Variants in CEMIP observed in about 807,000 individuals in gnomAD.
The protein encoded by CEMIP is cell migration-inducing and hyaluronan-binding protein.
Under a neutral mutation model 156.9 loss-of-function variants are expected in CEMIP, and 105 were observed. The observed-to-expected ratio is 0.67, with a 90% CI of 0.57 to 0.79. The LOEUF (loss-of-function observed/expected upper bound fraction) is 0.79. CEMIP is among the 30% of genes least tolerant of loss of function. CEMIP has a pLI of 0.00. For missense variants in CEMIP, 1,457 were observed against 1,769.4 expected, an observed-to-expected ratio of 0.82 and a Z score of 3.17; for synonymous variants, 676 against 668.4, an observed-to-expected ratio of 1.01 and a Z score of -0.17.
chr15:80,949,563 T>C lies in CEMIP; in HGVS notation c.*639T>C, dbSNP rs1475770634. ...CTCAAAGGCCCTTTTAGTTCTGAGATTCCAGAAATCTGCTGCATTTCACAT... is the reference window on the plus strand; with the variant it reads ...CTCAAAGGCCCTTTTAGTTCTGAGACTCCAGAAATCTGCTGCATTTCACAT... On this transcript the variant is annotated 3_prime_UTR_variant, in exon 30 of 30. Transcript: ENST00000394685. 1 of 164,432 alleles carries C rather than the reference T, an allele frequency of 6.1e-6. No individual in the cohort carries two copies. The highest frequency in any genetic ancestry group is 1.3e-5 in the Non-Finnish European group (1 of 74,090). 10.2% of individuals were successfully genotyped at this position (164,432 alleles called of 1,614,324 possible).
At chr15:80,898,989 T>A (rs1403455058) in intron 12 of CEMIP, among the ~76,000 whole-genome samples, 4 of 151,982 alleles carry the variant, frequency 2.6e-5, no homozygotes, top group Non-Finnish European at 5.9e-5. Context: ...CTGAGGCAGA[T>A]GGATCACAAG....
chr15:80,791,246 A>C (rs1016772387), intron 1 of CEMIP, among the ~76,000 whole-genome samples: 1 of 152,058 alleles, frequency 6.6e-6, no homozygotes, highest in Admixed American at 6.5e-5. Flanking sequence ...GAAGTGTGTG[A>C]TCAATTGGTG....
At chr15:80,813,426 T>C (rs1460574676) in intron 1 of CEMIP, among the ~76,000 whole-genome samples, 1 of 117,956 alleles carries the variant, frequency 8.5e-6, no homozygotes, top group Non-Finnish European at 2.0e-5. Flanking sequence ...CTCAGCTCAC[T>C]GCAACCCCTG....
chr15:80,794,340 G>A (rs118178163), intron 1 of CEMIP, among the ~76,000 whole-genome samples: 1,586 of 152,140 alleles, frequency 0.01, 24 homozygotes, highest in African/African-American at 0.035. Context: ...CCCTCATTTA[G>A]CAGTTTACTG....
chr15:80,887,159 C>CT (rs1393663442), intron 7 of CEMIP, among the ~76,000 whole-genome samples: 3 of 152,118 alleles, frequency 2.0e-5, no homozygotes, highest in African/African-American at 7.2e-5. Flanking sequence ...AACCTTAAGC[C>CT]TTTTTTTGCT....
At position 80,936,703 on chromosome 15, in the gene CEMIP, C is replaced by A; in HGVS notation, c.3039C>A (p.Asn1013Lys). 1.2e-6 allele frequency: 2 copies of A among 1,614,110 alleles called. No homozygotes were observed. Among genetic ancestry groups the A allele is most frequent in the African/African-American group, 1.3e-5 (1 of 75,036 alleles). ...QMYIQAYKTS[N>K]LRMKIIKNDF... is the part of the protein sequence containing the mutation. ...ACATTCAAGCCTACAAGACCAGTAA[C>A]CTGCGAATGAAGATCATCAAGAATG... Residue 1013 changes from asparagine (N) to lysine (K), a missense_variant, in exon 24 of 30, where the codon AAC (asparagine) becomes AAA (lysine). Physicochemically the swap from Asn to Lys is moderately conservative, Grantham distance 94. Around this residue, in one of 5 missense-constraint regions of CEMIP, gnomAD observed 798 missense variants for 980.1 expected, o/e 0.81. Coordinates refer to ENST00000394685, the MANE Select transcript of CEMIP (RefSeq NM_001293298.2).
intron 12 of CEMIP, among the ~76,000 whole-genome samples, chr15:80,896,680 A>G (rs1287888931): frequency 6.6e-6 from 1 of 152,192 alleles, no homozygotes; most frequent in East Asian, 1.9e-4. Context: ...GTAAAAAGAG[A>G]CTTCAAATAT....
chr15:80,839,083 G>T (rs767028953), intron 1 of CEMIP, among the ~76,000 whole-genome samples: 4 of 152,212 alleles, frequency 2.6e-5, no homozygotes, highest in African/African-American at 4.8e-5. Flanking sequence ...CGGGACTCAG[G>T]CTGGGGTTGA....
chr15:80,791,240 T>G (rs189502000), intron 1 of CEMIP, among the ~76,000 whole-genome samples: 1 of 152,052 alleles, frequency 6.6e-6, no homozygotes, highest in East Asian at 1.9e-4. Context: ...CTGAGTGAAG[T>G]GTGTGATCAA....
At chr15:80,940,507 C>T (rs759628224) in intron 25 of CEMIP, among the ~76,000 whole-genome samples, 2 of 152,134 alleles carry the variant, frequency 1.3e-5, no homozygotes, top group African/African-American at 2.4e-5. Context: ...CTGCTCAAAG[C>T]GGGTGCTCAC....
At chr15:80,945,017 T>A (rs1901489186) in intron 28 of CEMIP, among the ~76,000 whole-genome samples, 1 of 152,182 alleles carries the variant, frequency 6.6e-6, no homozygotes, top group Non-Finnish European at 1.5e-5. Flanking sequence ...GCAAGGTAGA[T>A]CCTGTTCTAC....
intron 1 of CEMIP, among the ~76,000 whole-genome samples, chr15:80,871,476 G>A (rs1432510748): frequency 6.6e-6 from 1 of 152,220 alleles, no homozygotes; most frequent in Non-Finnish European, 1.5e-5. Context: ...GAGCTTCAAT[G>A]TCCATGTCAC....
At chr15:80,786,349 G>A (rs1023505749) in intron 1 of CEMIP, among the ~76,000 whole-genome samples, 1 of 152,044 alleles carries the variant, frequency 6.6e-6, no homozygotes, top group African/African-American at 2.4e-5. Context: ...TGATCCTCAA[G>A]CCCCCCAAGT....
intron 1 of CEMIP, among the ~76,000 whole-genome samples, chr15:80,841,081 G>A (rs1338754545): frequency 6.6e-6 from 1 of 152,308 alleles, no homozygotes; most frequent in Admixed American, 6.5e-5. Context: ...GGTAGGCTGT[G>A]CCCCAGCTGA....
At chr15:80,853,264 A>G (rs991002322) in intron 1 of CEMIP, among the ~76,000 whole-genome samples, 10 of 152,118 alleles carry the variant, frequency 6.6e-5, no homozygotes, top group Admixed American at 5.9e-4. Flanking sequence ...GAAAGGGGGG[A>G]AAAGCATGGG....
intron 10 of CEMIP, among the ~76,000 whole-genome samples, chr15:80,890,605 A>G (rs1229356685): frequency 6.6e-6 from 1 of 151,866 alleles, no homozygotes; most frequent in Non-Finnish European, 1.5e-5. Flanking sequence ...AAACAAAAAA[A>G]AACCAGGCAT....
At chr15:80,860,586 T>C (rs1258219874) in intron 1 of CEMIP, among the ~76,000 whole-genome samples, 2 of 152,242 alleles carry the variant, frequency 1.3e-5, no homozygotes, top group Non-Finnish European at 2.9e-5. Flanking sequence ...GGATTTTCAA[T>C]GCCCATCTCA....
intron 7 of CEMIP, among the ~76,000 whole-genome samples, chr15:80,887,161 T>C (rs1016847037): frequency 2.0e-5 from 3 of 152,166 alleles, no homozygotes; most frequent in African/African-American, 7.2e-5. Context: ...CCTTAAGCCT[T>C]TTTTTGCTTC....
intron 28 of CEMIP, chr15:80,946,461 A>C (rs1901556718): frequency 5.9e-6 from 1 of 168,398 alleles, no homozygotes. Flanking sequence ...TAGAACCTTC[A>C]GGAGCTCCTG....
Sources: gnomAD v4.1 joint callset for allele counts (sites outside exome capture counted in the v4.1 genomes callset) on GRCh38, gnomAD v4.1.1 for gene constraint, gnomAD v4.1.1 regional missense constraint, MANE v1.5 for transcripts, NCBI Gene and HGNC (gene_info 2026-07-23, HGNC 2026-07-21) for gene names.